FAP: variants seen among roughly 807,000 people sequenced by gnomAD.
FAP encodes prolyl endopeptidase FAP.
Under a neutral mutation model 126.5 loss-of-function variants are expected in FAP, and 110 were observed. The observed-to-expected ratio is 0.87, with a 90% CI of 0.74 to 1.02. The LOEUF is 1.02. FAP is among the 50% of genes least tolerant of loss of function. FAP has a pLI of 0.00. For synonymous variants in FAP, 334 were observed against 297.3 expected (o/e 1.12, Z -1.27); for missense variants, 919 against 909.2 (o/e 1.01, Z -0.14).
intron 11 of FAP, among the ~76,000 whole-genome samples, chr2:162,213,725 A>G (rs1689054396): frequency 6.6e-6 from 1 of 152,122 alleles, no homozygotes; most frequent in South Asian, 2.1e-4. Context: ...TGGCTATTCA[A>G]TTTCAAGGTT....
At chr2:162,239,266 G>T (rs1285575741) in intron 2 of FAP, among the ~76,000 whole-genome samples, 1 of 151,732 alleles carries the variant, frequency 6.6e-6, no homozygotes. Flanking sequence ...CAAACTCCTG[G>T]GCTCAAGAAA....
intron 16 of FAP, among the ~76,000 whole-genome samples, chr2:162,195,951 T>C (rs993597304): frequency 2.0e-5 from 3 of 151,832 alleles, no homozygotes; most frequent in Non-Finnish European, 1.5e-5. Context: ...AGAGGAGAAA[T>C]GATTTTTTTG....
intron 23 of FAP, 147 bp from the exon 24 acceptor site, chr2:162,173,368 T>G (rs1452516488): frequency 4.5e-6 from 3 of 659,674 alleles, no homozygotes; most frequent in East Asian, 2.7e-5. Context: ...CAACACATTT[T>G]CATCATCATT....
At chr2:162,175,657 G>C (rs1440566379) in intron 21 of FAP, 1 of 152,164 alleles carries the variant, frequency 6.6e-6, no homozygotes, top group Non-Finnish European at 1.5e-5. Context: ...GCAATTTGCA[G>C]AGTCAGGAGT....
intron 14 of FAP, among the ~76,000 whole-genome samples, chr2:162,201,308 G>T (rs958799742): frequency 2.6e-5 from 4 of 152,084 alleles, no homozygotes; most frequent in African/African-American, 7.2e-5. Flanking sequence ...GGACAATTAG[G>T]CAGTCCAGTT....
intron 21 of FAP, 22 bp downstream of exon 21, chr2:162,183,392 T>C: frequency 1.3e-6 from 2 of 1,565,618 alleles, no homozygotes; most frequent in Non-Finnish European, 1.8e-6. Context: ...ATAACAGGCA[T>C]AAAAAATATA....
intron 5 of FAP, among the ~76,000 whole-genome samples, chr2:162,224,076 T>C (rs754069070): frequency 8.5e-5 from 13 of 152,152 alleles, no homozygotes; most frequent in Admixed American, 2.0e-4. Context: ...CCCTTTAAAA[T>C]TGGGTAAAGA....
chr2:162,214,079 A>G lies in FAP; in HGVS notation c.867-6T>C. ...GCCAACTGAAATAATAATCACTGCA[A>G]ATAAAATAGAAACAGGTAGTCACAA... On this transcript the variant is annotated splice_region_variant and splice_polypyrimidine_tract_variant and intron_variant, in intron 10 of 25. Transcript: ENST00000188790. 1 of 1,613,226 alleles carries G rather than the reference A, an allele frequency of 6.2e-7. No individual in the cohort carries two copies. The highest frequency in any genetic ancestry group is 8.5e-7 in the Non-Finnish European group (1 of 1,179,658).
rs752350747 is a variant in FAP, at chr2:162,202,960, T to C, written c.1153-18A>G. The C allele has an allele frequency of 3.5e-5, 56 of 1,609,994 alleles. No individual in the cohort carries two copies. The highest frequency in any genetic ancestry group is 4.8e-5 in the Non-Finnish European group (56 of 1,176,306). On this transcript the variant is annotated intron_variant, in intron 13 of 25. Transcript: ENST00000188790. Reference sequence around the variant, plus strand: ...GCATTTTCCTATAAAAAGACAAACATTATGTTGTGTGAAACTGAGCGTTAT... The same window carrying C: ...GCATTTTCCTATAAAAAGACAAACACTATGTTGTGTGAAACTGAGCGTTAT...
chr2:162,238,865 A>G (rs1308756761), intron 2 of FAP, among the ~76,000 whole-genome samples: 1 of 152,212 alleles, frequency 6.6e-6, no homozygotes, highest in Non-Finnish European at 1.5e-5. Context: ...CGGATTTCTG[A>G]CTAAAATTCA....
intron 12 of FAP, among the ~76,000 whole-genome samples, chr2:162,208,460 A>G (rs1430931925): frequency 6.6e-6 from 1 of 152,214 alleles, no homozygotes; most frequent in Non-Finnish European, 1.5e-5. Flanking sequence ...ATGTTTATAG[A>G]TGCTCAAGAT....
chr2:162,230,585 C>T (rs188200130), intron 2 of FAP, among the ~76,000 whole-genome samples: 26 of 151,632 alleles, frequency 1.7e-4, no homozygotes, highest in East Asian at 1.4e-3. Flanking sequence ...ATAATTCCCC[C>T]GAGAATATAT....
chr2:162,194,708 A>C lies in FAP; in HGVS notation c.1443T>G (p.Thr481=), dbSNP rs1688181483. 1.2e-6 allele frequency: 2 copies of C among 1,613,604 alleles called. No individual in the cohort carries two copies. The highest frequency in any genetic ancestry group is 3.3e-5 in the Admixed American group (2 of 59,974). Residue 481 remains threonine, a synonymous_variant, in exon 17 of 26, where the codon ACT becomes ACG. Coordinates refer to ENST00000188790, the MANE Select transcript of FAP (RefSeq NM_004460.5). ...IPISTLHDGR[T]DQEIKILEEN... is the part of the protein sequence containing the mutation. ...ACATGCAAGAGAGAGTACCTTGATC[A>C]GTGCGTCCATCATGAAGGGTGGAAA...
At chr2:162,221,042 G>T (rs1363789126) in intron 6 of FAP, among the ~76,000 whole-genome samples, 2 of 152,140 alleles carry the variant, frequency 1.3e-5, no homozygotes, top group African/African-American at 4.8e-5. Context: ...AACACACACT[G>T]CCTTGATGTA....
chr2:162,209,204 T>C (rs1246650188), intron 12 of FAP, among the ~76,000 whole-genome samples: 2 of 152,128 alleles, frequency 1.3e-5, no homozygotes, highest in African/African-American at 4.8e-5. Context: ...GCATAATGCG[T>C]CCAAATCTTA....
intron 10 of FAP, among the ~76,000 whole-genome samples, chr2:162,214,473 A>G (rs1285650602): frequency 6.6e-6 from 1 of 152,020 alleles, no homozygotes; most frequent in Non-Finnish European, 1.5e-5. Context: ...TGATAAAAGG[A>G]TAATCTTTGT....
chr2:162,208,967 TATA>T (rs1688818135), intron 12 of FAP, among the ~76,000 whole-genome samples: 1 of 151,956 alleles, frequency 6.6e-6, no homozygotes, highest in Non-Finnish European at 1.5e-5. Context: ...AACGGCAGAG[TATA>T]AATTAAACAG....
chr2:162,173,250 A>G (rs1471332063), intron 23 of FAP, 29 bp from the exon 24 acceptor site: 1 of 1,527,456 alleles, frequency 6.5e-7, no homozygotes, highest in Non-Finnish European at 9.1e-7. Flanking sequence ...TTAACATTTT[A>G]GTTGCTGCAA....
rs368757781 is a variant in FAP, at chr2:162,200,552, T to G, written c.1277+14A>C. ...CAACACATAGAAATACCAGAATGAA[T>G]GGACATAAATTACCTGTAGATGTTT... On this transcript the variant is annotated intron_variant, in intron 15 of 25. Coordinates refer to ENST00000188790, the MANE Select transcript of FAP (RefSeq NM_004460.5). 22 of 1,428,360 alleles carry G rather than the reference T, an allele frequency of 1.5e-5. No individual in the cohort carries two copies. The African/African-American group carries it at 3.1e-4, about 20-fold the overall frequency. 88.5% of individuals were successfully genotyped at this position (1,428,360 alleles called of 1,614,324 possible).
Sources: allele counts gnomAD v4.1 joint callset (sites outside exome capture counted in the v4.1 genomes callset), GRCh38; gene constraint gnomAD v4.1.1; transcripts MANE v1.5; gene names NCBI Gene and HGNC (gene_info 2026-07-23, HGNC 2026-07-21).